Variants in ADAM19 observed in about 807,000 individuals in gnomAD.
ADAM19 encodes ADAM metallopeptidase domain 19.
In ADAM19, 65 loss-of-function variants were observed where a neutral mutation model predicts 114.7. That is an observed-to-expected ratio of 0.57 (90% CI 0.46 to 0.70). ADAM19 has a LOEUF of 0.70. Ranked by LOEUF, ADAM19 falls within the 30% of genes least tolerant of loss-of-function variation. The probability of loss-of-function intolerance (pLI) is 0.00; values close to 1 mark genes in which losing one functional copy is unlikely to be tolerated. For missense variants in ADAM19, 1,063 were observed against 1,204.7 expected, an observed-to-expected ratio of 0.88 and a Z score of 1.74; for synonymous variants, 466 against 460.5, an observed-to-expected ratio of 1.01 and a Z score of -0.15.
Position 157,493,124 on chromosome 5 carries a change from T to C in ADAM19, c.1757A>G (p.Glu586Gly). The part of the protein sequence containing the change: ...QCQSSEARPL[E>G]SNAVPIDTTI... ...GGTGTCAATGGGCACCGCGTTGGACTCCAGGGGCCGGGCCTCAGAGCTCTG... is the reference window on the plus strand; with the variant it reads ...GGTGTCAATGGGCACCGCGTTGGACCCCAGGGGCCGGGCCTCAGAGCTCTG... Residue 586 changes from glutamate to glycine, a missense_variant, in exon 16 of 23, where the codon GAG (glutamate) becomes GGG (glycine). Glu to Gly is a moderately conservative substitution (Grantham distance 98). Coordinates refer to ENST00000257527, the MANE Select transcript of ADAM19 (RefSeq NM_033274.5). The C allele has an allele frequency of 6.2e-7, 1 of 1,614,204 alleles. No individual in the cohort carries two copies. The highest frequency in any genetic ancestry group is 8.5e-7 in the Non-Finnish European group (1 of 1,180,038).
intron 18 of ADAM19, 76 bp from the exon 19 acceptor site, chr5:157,490,530 C>A: frequency 6.6e-7 from 1 of 1,521,540 alleles, no homozygotes. Context: ...GGTATTCGTG[C>A]TTCTTCTTCA....
At chr5:157,485,332 G>A (rs542877595) in intron 21 of ADAM19, among the ~76,000 whole-genome samples, 68 of 152,180 alleles carry the variant, frequency 4.5e-4, no homozygotes, top group African/African-American at 1.5e-3. Flanking sequence ...AGAAAAAGGC[G>A]AACAAATCAT....
intron 18 of ADAM19, 128 bp from the exon 19 acceptor site, chr5:157,490,582 T>G (rs527402366): frequency 9.2e-5 from 109 of 1,179,844 alleles, no homozygotes; most frequent in Non-Finnish European, 1.3e-4. Flanking sequence ...TATTTTAACT[T>G]ACAAATTATA....
chr5:157,505,327 A>T (rs896709087), intron 11 of ADAM19, among the ~76,000 whole-genome samples: 2 of 152,120 alleles, frequency 1.3e-5, no homozygotes, highest in Non-Finnish European at 2.9e-5. Flanking sequence ...CTTGGGATAG[A>T]AGAATTAAGG....
chr5:157,545,389 G>A (rs1049227255), intron 3 of ADAM19, among the ~76,000 whole-genome samples: 3 of 152,156 alleles, frequency 2.0e-5, no homozygotes, highest in African/African-American at 7.2e-5. Flanking sequence ...CCAAATGAAT[G>A]CTTCATGATA....
At chr5:157,491,473 G>T (rs547551029) in intron 18 of ADAM19, 142 bp downstream of exon 18, 3 of 600,996 alleles carry the variant, frequency 5.0e-6, no homozygotes, top group Admixed American at 3.4e-5. Flanking sequence ...CTCTCTCTTG[G>T]TCTGTCTTTA....
chr5:157,524,873 C>CATT (rs1561543161), intron 5 of ADAM19, among the ~76,000 whole-genome samples: 5 of 152,190 alleles, frequency 3.3e-5, no homozygotes, highest in African/African-American at 9.7e-5. Context: ...GAACAGCTAA[C>CATT]GGTCATTGAT....
intron 1 of ADAM19, among the ~76,000 whole-genome samples, chr5:157,571,312 T>A (rs1016756367): frequency 9.9e-5 from 15 of 152,180 alleles, no homozygotes; most frequent in African/African-American, 3.6e-4. Flanking sequence ...ATGATCAGCA[T>A]AGATGGCATT....
At chr5:157,575,082 C>T (rs1032365675) in intron 1 of ADAM19, among the ~76,000 whole-genome samples, 3 of 152,234 alleles carry the variant, frequency 2.0e-5, no homozygotes, top group Admixed American at 6.5e-5. Context: ...GAGCCATCCC[C>T]TAGCCAAGGC....
chr5:157,535,795 C>T (rs1027885712), intron 4 of ADAM19, among the ~76,000 whole-genome samples: 5 of 152,242 alleles, frequency 3.3e-5, no homozygotes, highest in Non-Finnish European at 4.4e-5. Context: ...TAGCAGGAAG[C>T]GTGAGCTCAT....
chr5:157,486,806 A>C (rs1581286426), intron 21 of ADAM19, among the ~76,000 whole-genome samples: 1 of 152,070 alleles, frequency 6.6e-6, no homozygotes, highest in East Asian at 1.9e-4. Context: ...AAAAAAAAAA[A>C]TCATATGCTG....
At chr5:157,516,584 C>T (rs1415931500) in intron 7 of ADAM19, among the ~76,000 whole-genome samples, 1 of 152,138 alleles carries the variant, frequency 6.6e-6, no homozygotes, top group Non-Finnish European at 1.5e-5. Flanking sequence ...GGAGAAACAC[C>T]CCACCTTTAA....
chr5:157,571,790 G>T (rs1001087204), intron 1 of ADAM19, among the ~76,000 whole-genome samples: 2 of 152,064 alleles, frequency 1.3e-5, no homozygotes, highest in Non-Finnish European at 2.9e-5. Context: ...TGAAGCGGTG[G>T]GATTCTGGGC....
chr5:157,569,609 CT>C (rs1757769062), intron 2 of ADAM19, among the ~76,000 whole-genome samples: 1 of 151,834 alleles, frequency 6.6e-6, no homozygotes, highest in Admixed American at 6.6e-5. Context: ...AAGTTGGAGC[CT>C]TTTTGGACAT....
intron 4 of ADAM19, among the ~76,000 whole-genome samples, chr5:157,532,186 C>A (rs1756643518): frequency 6.6e-6 from 1 of 152,136 alleles, no homozygotes; most frequent in Non-Finnish European, 1.5e-5. Flanking sequence ...TCCATCACTA[C>A]AAACAGCTGT....
At chr5:157,509,148 C>T (rs886777577) in intron 9 of ADAM19, among the ~76,000 whole-genome samples, 153 bp downstream of exon 9, 3 of 152,232 alleles carry the variant, frequency 2.0e-5, no homozygotes, top group Non-Finnish European at 2.9e-5. Context: ...GGGTACAGAG[C>T]GCATGTTTAG....
intron 3 of ADAM19, among the ~76,000 whole-genome samples, chr5:157,561,653 A>G (rs1275444178): frequency 6.6e-6 from 1 of 152,018 alleles, no homozygotes; most frequent in Non-Finnish European, 1.5e-5. Flanking sequence ...CACCTCCTTC[A>G]GGTCTTGACT....
intron 3 of ADAM19, among the ~76,000 whole-genome samples, chr5:157,540,526 T>C (rs1314509953): frequency 6.6e-6 from 1 of 152,098 alleles, no homozygotes; most frequent in Non-Finnish European, 1.5e-5. Flanking sequence ...CCCTCAGCAC[T>C]GAAAGGAACC....
intron 3 of ADAM19, among the ~76,000 whole-genome samples, chr5:157,560,031 C>A (rs1166299189): frequency 1.3e-5 from 2 of 151,702 alleles, no homozygotes; most frequent in Admixed American, 6.6e-5. Context: ...TTTGGGAGGC[C>A]GAGGCGGGCG....
Sources: allele counts gnomAD v4.1 joint callset (sites outside exome capture counted in the v4.1 genomes callset), GRCh38; gene constraint gnomAD v4.1.1; transcripts MANE v1.5; gene names NCBI Gene and HGNC (gene_info 2026-07-23, HGNC 2026-07-21).